ZNF727: variants seen among roughly 807,000 people sequenced by gnomAD.
The protein encoded by ZNF727 is putative zinc finger protein 727.
Under a neutral mutation model 11.5 loss-of-function variants are expected in ZNF727, and 11 were observed. The observed-to-expected ratio is 0.95, with a 90% CI of 0.60 to 1.58. The LOEUF (loss-of-function observed/expected upper bound fraction) is 1.58, where lower values mean the gene tolerates loss of function less well. ZNF727 is among the 40% of genes most tolerant of loss of function. The pLI is 0.00. For synonymous variants in ZNF727, 171 were observed against 196.1 expected, an observed-to-expected ratio of 0.87 and a Z score of 1.07; for missense variants, 533 against 581.7, an observed-to-expected ratio of 0.92 and a Z score of 0.86.
chr7:64,073,861 G>A (rs1388612625), intron 3 of ZNF727, among the ~76,000 whole-genome samples: 1 of 152,130 alleles, frequency 6.6e-6, no homozygotes, highest in Non-Finnish European at 1.5e-5. Flanking sequence ...ATTGTAACAA[G>A]CATTCACCTT....
chr7:64,050,711 A>T (rs1307782385), intron 1 of ZNF727, among the ~76,000 whole-genome samples: 2 of 152,042 alleles, frequency 1.3e-5, no homozygotes, highest in Non-Finnish European at 2.9e-5. Context: ...AAAAGACCTT[A>T]TATGAAAAAA....
At chr7:64,075,929 G>C (rs7791554) in intron 3 of ZNF727, among the ~76,000 whole-genome samples, 98,746 of 151,988 alleles carry the variant, frequency 0.65, 32,473 homozygotes, top group Admixed American at 0.72. Context: ...CTTTATAAAT[G>C]TGCAGTCACA....
intron 1 of ZNF727, among the ~76,000 whole-genome samples, chr7:64,056,149 A>C (rs1216350327): frequency 6.6e-6 from 1 of 152,132 alleles, no homozygotes; most frequent in Non-Finnish European, 1.5e-5. Context: ...TTTTATAAAC[A>C]GGTTTATTTT....
At position 64,081,896 on chromosome 7, in the gene ZNF727, C is replaced by CT. The variant is rs1785799392; in HGVS notation, c.*3350dup. On this transcript the variant is annotated 3_prime_UTR_variant, in exon 4 of 4. Coordinates refer to ENST00000456806, the MANE Select transcript of ZNF727 (RefSeq NM_001159522.3). ...CATGAGCTGGGTTGCTGCCCCACCT[C>CT]TTTGCCTGTCTTCTGGTTGCTGCAT... 2.2e-4 allele frequency among the ~76,000 whole-genome samples: 33 copies of CT among 152,234 alleles called. No homozygotes were observed. In the South Asian group the frequency reaches 6.8e-3, roughly 32 times the overall value.
chr7:64,064,265 A>C, intron 1 of ZNF727, among the ~76,000 whole-genome samples: 1 of 152,160 alleles, frequency 6.6e-6, no homozygotes, highest in East Asian at 1.9e-4. Context: ...GGCTGCAAGA[A>C]GTACTACTTG....
At chr7:64,057,525 T>C (rs1181279288) in intron 1 of ZNF727, among the ~76,000 whole-genome samples, 3 of 151,974 alleles carry the variant, frequency 2.0e-5, no homozygotes, top group African/African-American at 7.3e-5. Flanking sequence ...CATGGACACC[T>C]TGGGGGAACA....
intron 1 of ZNF727, among the ~76,000 whole-genome samples, chr7:64,050,820 GTATA>G (rs1789586753): frequency 1.3e-5 from 2 of 150,014 alleles, no homozygotes; most frequent in African/African-American, 4.9e-5. Context: ...GTGTATGTAT[GTATA>G]TATAGCCTGA....
chr7:64,058,314 T>A (rs1279764940), intron 1 of ZNF727, among the ~76,000 whole-genome samples: 2 of 151,770 alleles, frequency 1.3e-5, no homozygotes, highest in African/African-American at 4.9e-5. Flanking sequence ...GAGGTCAGAC[T>A]CCTTCTCCCA....
intron 3 of ZNF727, among the ~76,000 whole-genome samples, chr7:64,076,540 G>A (rs939838639): frequency 3.3e-5 from 5 of 152,092 alleles, no homozygotes; most frequent in Non-Finnish European, 5.9e-5. Flanking sequence ...TGGAGATGGA[G>A]GTTGGATTGC....
chr7:64,053,309 G>T (rs546247042), intron 1 of ZNF727, among the ~76,000 whole-genome samples: 56 of 151,904 alleles, frequency 3.7e-4, no homozygotes, highest in South Asian at 3.5e-3. Context: ...TAGGTTTTTT[G>T]TTGTTGTTGT....
intron 1 of ZNF727, among the ~76,000 whole-genome samples, chr7:64,056,143 A>T (rs1789682960): frequency 6.6e-6 from 1 of 152,164 alleles, no homozygotes; most frequent in Admixed American, 6.5e-5. Context: ...TATTTATTTT[A>T]TAAACAGGTT....
intron 1 of ZNF727, among the ~76,000 whole-genome samples, chr7:64,051,747 A>G (rs1789601185): frequency 6.6e-6 from 1 of 152,184 alleles, no homozygotes; most frequent in African/African-American, 2.4e-5. Flanking sequence ...AGAGACTGAG[A>G]AAAGACTGGA....
intron 1 of ZNF727, among the ~76,000 whole-genome samples, chr7:64,059,907 G>C (rs1370070576): frequency 6.6e-6 from 1 of 152,102 alleles, no homozygotes; most frequent in East Asian, 1.9e-4. Context: ...GACTTTGTCA[G>C]TCTCTTTAAA....
In ZNF727 at chr7:64,081,636, T is replaced by C. The variant is rs2116339627; in HGVS notation, c.*3087T>C. Among the ~76,000 whole-genome samples the C allele has an allele frequency of 6.6e-6, 1 of 152,234 alleles. No homozygotes were observed. On this transcript the variant is annotated 3_prime_UTR_variant, in exon 4 of 4. Transcript: ENST00000456806. ...CTATGGTATGGGCTCCTAGGGTACC[T>C]GAGACTGCCCTGTAAGCAGTTGTGG...
intron 1 of ZNF727, among the ~76,000 whole-genome samples, chr7:64,061,976 A>G (rs1250612184): frequency 6.6e-6 from 1 of 152,060 alleles, no homozygotes; most frequent in Non-Finnish European, 1.5e-5. Flanking sequence ...ACAAGCAAAG[A>G]GAAAACTAAT....
intron 3 of ZNF727, among the ~76,000 whole-genome samples, chr7:64,073,047 T>G (rs1789986658): frequency 6.6e-6 from 1 of 152,112 alleles, no homozygotes; most frequent in Admixed American, 6.5e-5. Context: ...ACCCTTACCT[T>G]TTGTTCATAT....
intron 1 of ZNF727, among the ~76,000 whole-genome samples, chr7:64,054,195 A>G (rs1279944507): frequency 6.6e-6 from 1 of 152,136 alleles, no homozygotes; most frequent in Non-Finnish European, 1.5e-5. Context: ...ATGCACACAC[A>G]TGTCTGAAAG....
intron 1 of ZNF727, among the ~76,000 whole-genome samples, chr7:64,054,841 A>G (rs939771581): frequency 1.3e-5 from 2 of 152,204 alleles, no homozygotes; most frequent in African/African-American, 2.4e-5. Flanking sequence ...CTTTTTGTCT[A>G]TTGTGTTAAA....
chr7:64,077,060 CGAG>C (rs902202034), intron 3 of ZNF727, among the ~76,000 whole-genome samples: 3 of 152,068 alleles, frequency 2.0e-5, no homozygotes, highest in African/African-American at 7.2e-5. Flanking sequence ...ATTTTTCTCA[CGAG>C]GTGCTACAAA....
Sources: allele counts gnomAD v4.1 joint callset (sites outside exome capture counted in the v4.1 genomes callset), GRCh38; gene constraint gnomAD v4.1.1; transcripts MANE v1.5; gene names NCBI Gene and HGNC (gene_info 2026-07-23, HGNC 2026-07-21).